GRIK2: variants seen among roughly 807,000 people sequenced by gnomAD.
GRIK2 encodes glutamate receptor ionotropic, kainate 2.
Under a neutral mutation model 100.3 loss-of-function variants are expected in GRIK2, and 32 were observed. That is an observed-to-expected ratio of 0.32 (90% CI 0.24 to 0.43). The LOEUF (loss-of-function observed/expected upper bound fraction) is 0.43, where lower values mean the gene tolerates loss of function less well. GRIK2 is among the 20% of genes least tolerant of loss of function. GRIK2 has a pLI of 1.00. For missense variants in GRIK2, 843 were observed against 1,114.9 expected (o/e 0.76, Z 3.47); for synonymous variants, 417 against 389.4 (o/e 1.07, Z -0.83).
intron 6 of GRIK2, among the ~76,000 whole-genome samples, chr6:101,683,746 ATTG>A (rs1181279265): frequency 6.6e-6 from 1 of 152,170 alleles, no homozygotes; most frequent in African/African-American, 2.4e-5. Flanking sequence ...AACACTTTTA[ATTG>A]TTGTGCCATT....
chr6:101,424,364 C>G (rs563588243), intron 2 of GRIK2, among the ~76,000 whole-genome samples: 1 of 150,822 alleles, frequency 6.6e-6, no homozygotes. Flanking sequence ...GTTCCCATTC[C>G]TCTGTCCATG....
chr6:101,785,041 C>A (rs937605364), intron 7 of GRIK2, among the ~76,000 whole-genome samples: 3 of 152,136 alleles, frequency 2.0e-5, no homozygotes, highest in Non-Finnish European at 2.9e-5. Flanking sequence ...TTGCATTTCC[C>A]TGATGATTAG....
intron 14 of GRIK2, among the ~76,000 whole-genome samples, chr6:102,010,237 G>T (rs1003574762): frequency 2.0e-5 from 3 of 151,838 alleles, no homozygotes; most frequent in Admixed American, 6.6e-5. Context: ...TCTTGATATT[G>T]TATTTTTTGG....
intron 2 of GRIK2, among the ~76,000 whole-genome samples, chr6:101,563,810 C>T (rs1777132505): frequency 6.6e-6 from 1 of 151,744 alleles, no homozygotes; most frequent in Non-Finnish European, 1.5e-5. Context: ...ATGAAGTTGA[C>T]TTGGAGAGCC....
chr6:101,586,198 A>G (rs1026033272), intron 2 of GRIK2, among the ~76,000 whole-genome samples: 1 of 151,972 alleles, frequency 6.6e-6, no homozygotes, highest in Non-Finnish European at 1.5e-5. Flanking sequence ...CGCCTGCATA[A>G]AGCCAAAACC....
intron 2 of GRIK2, among the ~76,000 whole-genome samples, chr6:101,466,662 T>C (rs1771663564): frequency 6.6e-6 from 1 of 152,166 alleles, no homozygotes; most frequent in East Asian, 1.9e-4. Context: ...TCATTCATTC[T>C]TTTTTCAGGA....
At chr6:101,651,009 T>C (rs1161925020) in intron 4 of GRIK2, among the ~76,000 whole-genome samples, 4 of 145,632 alleles carry the variant, frequency 2.7e-5, no homozygotes, top group Non-Finnish European at 4.5e-5. Flanking sequence ...TTTTTCTTTT[T>C]TTTTTTTTTT....
intron 2 of GRIK2, among the ~76,000 whole-genome samples, chr6:101,579,445 T>TTTTC (rs529220167): frequency 5.9e-5 from 9 of 152,064 alleles, no homozygotes; most frequent in Non-Finnish European, 1.0e-4. Context: ...TATTTCTTTT[T>TTTTC]TTTCTTTCTT....
At chr6:101,660,297 C>G (rs1259260341) in intron 4 of GRIK2, among the ~76,000 whole-genome samples, 1 of 151,990 alleles carries the variant, frequency 6.6e-6, no homozygotes, top group African/African-American at 2.4e-5. Context: ...TCATGAAATT[C>G]TCGTGCTGTG....
rs750110613 is a variant in GRIK2 at position 101,468,601 on chromosome 6, T to A, written c.115+69209T>A. Among the ~76,000 whole-genome samples the A allele has an allele frequency of 6.6e-5, 10 of 152,144 alleles. No individual in the cohort carries two copies. In the South Asian group the frequency reaches 8.3e-4, roughly 13 times the overall value. ...GATGGTTGCCTCTTGTAGTTTTTAG[T>A]TTGCTTTTGAAGTGCTTTTGAAATA... is the stretch of plus-strand genomic sequence containing the variant. On this transcript the variant is annotated intron_variant, in intron 2 of 16. Coordinates refer to ENST00000369134, the MANE Select transcript of GRIK2 (RefSeq NM_021956.5).
intron 2 of GRIK2, among the ~76,000 whole-genome samples, chr6:101,465,513 C>T (rs149858163): frequency 2.0e-5 from 3 of 152,216 alleles, no homozygotes; most frequent in Non-Finnish European, 2.9e-5. Context: ...ATCCAATCAC[C>T]CATGATAGAC....
intron 2 of GRIK2, among the ~76,000 whole-genome samples, chr6:101,465,419 C>T (rs568557870): frequency 2.0e-5 from 3 of 152,012 alleles, no homozygotes; most frequent in Admixed American, 6.6e-5. Context: ...GCCTCCAGTC[C>T]CATCCATGTT....
chr6:102,067,699 C>CA (rs1377181187), intron 16 of GRIK2, among the ~76,000 whole-genome samples: 6 of 151,674 alleles, frequency 4.0e-5, no homozygotes, highest in African/African-American at 1.2e-4. Context: ...CTAATGATGA[C>CA]AAAAAAGTTA....
chr6:101,837,401 C>A (rs1192758218), intron 10 of GRIK2, among the ~76,000 whole-genome samples: 1 of 152,068 alleles, frequency 6.6e-6, no homozygotes, highest in Non-Finnish European at 1.5e-5. Flanking sequence ...CTATTCTTAC[C>A]ACACACACTA....
chr6:101,438,989 T>G (rs1769892152), intron 2 of GRIK2, among the ~76,000 whole-genome samples: 1 of 152,152 alleles, frequency 6.6e-6, no homozygotes, highest in Non-Finnish European at 1.5e-5. Flanking sequence ...TAGGTCAACT[T>G]GGTGTCCGTT....
chr6:101,394,094 C>T lies in GRIK2; in HGVS notation c.-294+257C>T, dbSNP rs143337009. Among the ~76,000 whole-genome samples, 77 of 152,286 alleles carry T rather than the reference C, an allele frequency of 5.1e-4. No individual in the cohort carries two copies. In the East Asian group the frequency reaches 0.014, roughly 28 times the overall value. On this transcript the variant is annotated intron_variant, in intron 1 of 16. Transcript: ENST00000369134. ...TCTGTTGGCTGCAGTCGCCTATGTT[C>T]TCCACATAAAATGATTTAAGAAGTG...
At chr6:101,657,006 A>G (rs1769237755) in intron 4 of GRIK2, among the ~76,000 whole-genome samples, 1 of 152,230 alleles carries the variant, frequency 6.6e-6, no homozygotes, top group Non-Finnish European at 1.5e-5. Context: ...TCAAAATAAT[A>G]TCCCAGATAT....
intron 2 of GRIK2, among the ~76,000 whole-genome samples, chr6:101,561,689 A>G (rs1171981085): frequency 2.6e-5 from 4 of 152,120 alleles, no homozygotes; most frequent in Non-Finnish European, 4.4e-5. Context: ...AATCTGCTGA[A>G]CTTGAGGACT....
At chr6:101,456,097 A>G (rs1178340681) in intron 2 of GRIK2, among the ~76,000 whole-genome samples, 1 of 151,494 alleles carries the variant, frequency 6.6e-6, no homozygotes, top group Non-Finnish European at 1.5e-5. Flanking sequence ...GTTGTTGGAC[A>G]TTAGCAGGAA....
Sources: gnomAD v4.1 joint callset for allele counts (sites outside exome capture counted in the v4.1 genomes callset) on GRCh38, gnomAD v4.1.1 for gene constraint, MANE v1.5 for transcripts, NCBI Gene and HGNC (gene_info 2026-07-23, HGNC 2026-07-21) for gene names.